The following TANGO6 variants were observed in gnomAD, a reference collection of about 807,000 sequenced individuals.
TANGO6 encodes the protein transport and golgi organization 6 homolog.
In TANGO6, 90 loss-of-function variants were observed where a neutral mutation model predicts 114.2. The observed-to-expected ratio is 0.79, with a 90% CI of 0.66 to 0.94. The LOEUF (loss-of-function observed/expected upper bound fraction) is 0.94. TANGO6 is among the 40% of genes least tolerant of loss of function. The probability of loss-of-function intolerance (pLI) is 0.00; values close to 1 mark genes in which losing one functional copy is unlikely to be tolerated. For synonymous variants in TANGO6, 477 were observed against 509.8 expected (o/e 0.94, Z 0.87); for missense variants, 1,274 against 1,315.3 (o/e 0.97, Z 0.49).
intron 4 of TANGO6, among the ~76,000 whole-genome samples, chr16:68,870,947 A>G (rs1050336796): frequency 7.1e-6 from 1 of 140,068 alleles, no homozygotes; most frequent in Non-Finnish European, 1.6e-5. Flanking sequence ...CGCCCGGCTA[A>G]TTTTTTTTTT....
intron 1 of TANGO6, among the ~76,000 whole-genome samples, chr16:68,851,005 C>G (rs1304838731): frequency 6.6e-6 from 1 of 152,166 alleles, no homozygotes; most frequent in Non-Finnish European, 1.5e-5. Context: ...CTCTCCCTCT[C>G]TCTGTAGATG....
intron 15 of TANGO6, among the ~76,000 whole-genome samples, chr16:69,003,454 C>A (rs1964063291): frequency 6.6e-6 from 1 of 152,140 alleles, no homozygotes; most frequent in African/African-American, 2.4e-5. Flanking sequence ...AGGTAAGCAC[C>A]ATATTGTTTT....
At chr16:68,998,360 A>G (rs758766338) in intron 15 of TANGO6, among the ~76,000 whole-genome samples, 15 of 152,228 alleles carry the variant, frequency 9.9e-5, no homozygotes, top group Non-Finnish European at 1.8e-4. Context: ...ACCTAATAAC[A>G]GGTATACCAT....
chr16:69,057,973 GA>G (rs1960059012), intron 17 of TANGO6, among the ~76,000 whole-genome samples: 1 of 152,194 alleles, frequency 6.6e-6, no homozygotes, highest in Non-Finnish European at 1.5e-5. Context: ...ATGGGGTAGA[GA>G]AAAACTGAAA....
chr16:69,034,196 A>G (rs1198369465), intron 16 of TANGO6: 1 of 153,234 alleles, frequency 6.5e-6, no homozygotes. Flanking sequence ...CACCCCCTGT[A>G]TGGTTACAGG....
Position 68,880,565 on chromosome 16 carries a change from A to G in TANGO6, c.1312A>G (p.Met438Val), listed in dbSNP as rs1962444238. 2 of 1,611,962 alleles carry G rather than the reference A, an allele frequency of 1.2e-6. No homozygotes were observed. Among genetic ancestry groups the G allele is most frequent in the African/African-American group, 1.3e-5 (1 of 74,964 alleles). ...LNTAELSESD[M>V]VPGTILVTEE... ...TTTTCTAGAGCTTTCAGAGAGTGAC[A>G]TGGTACCAGGAACTATTTTGGTGAC... is the stretch of plus-strand genomic sequence containing the variant. The change falls in exon 7 of 18, where the codon ATG (methionine) becomes GTG (valine). Residue 438 changes from methionine to valine, a missense_variant. Coordinates refer to ENST00000261778, the MANE Select transcript of TANGO6 (RefSeq NM_024562.2).
At chr16:69,001,976 G>A (rs1964048883) in intron 15 of TANGO6, among the ~76,000 whole-genome samples, 1 of 151,962 alleles carries the variant, frequency 6.6e-6, no homozygotes, top group African/African-American at 2.4e-5. Flanking sequence ...CTCTCATAAT[G>A]CAAAATAATT....
intron 15 of TANGO6, among the ~76,000 whole-genome samples, chr16:69,007,968 C>G (rs899496463): frequency 7.2e-5 from 11 of 152,014 alleles, no homozygotes; most frequent in African/African-American, 2.7e-4. Context: ...AATGTTTTTT[C>G]AGATCTTTTT....
At chr16:68,867,412 C>T (rs890792918) in intron 4 of TANGO6, 192 bp downstream of exon 4, 3 of 622,034 alleles carry the variant, frequency 4.8e-6, no homozygotes, top group Non-Finnish European at 8.1e-6. Flanking sequence ...TTCTCTTGCT[C>T]TTTTCCTAAA....
chr16:68,884,635 G>T (rs964887352), intron 7 of TANGO6, among the ~76,000 whole-genome samples: 1 of 152,080 alleles, frequency 6.6e-6, no homozygotes, highest in African/African-American at 2.4e-5. Context: ...CAGGATAGGG[G>T]TAAGACTAAT....
intron 11 of TANGO6, among the ~76,000 whole-genome samples, chr16:68,912,372 G>A (rs1315320303): frequency 6.6e-6 from 1 of 152,114 alleles, no homozygotes; most frequent in African/African-American, 2.4e-5. Context: ...AGTGGCTCAC[G>A]CCTGGAATCC....
chr16:68,875,557 G>A lies in TANGO6; in HGVS notation c.1131+267G>A, dbSNP rs779323805. ...CGAGGCAGGCGGATCACCTGAGGTC[G>A]GGAGTTCGAGATTAGCCTGACCAAC... On this transcript the variant is annotated intron_variant, in intron 5 of 17. Coordinates refer to ENST00000261778, the MANE Select transcript of TANGO6 (RefSeq NM_024562.2). Among the ~76,000 whole-genome samples the A allele has an allele frequency of 9.2e-5, 14 of 151,932 alleles. No homozygotes were observed. The highest frequency in any genetic ancestry group is 2.0e-4 in the Admixed American group (3 of 15,224).
intron 11 of TANGO6, among the ~76,000 whole-genome samples, chr16:68,914,333 T>G (rs1053936605): frequency 5.9e-5 from 9 of 152,142 alleles, no homozygotes; most frequent in African/African-American, 2.2e-4. Context: ...GGCTAATTTT[T>G]GTATTTTTAG....
intron 7 of TANGO6, among the ~76,000 whole-genome samples, chr16:68,883,872 A>G (rs1962499212): frequency 6.6e-6 from 1 of 152,162 alleles, no homozygotes; most frequent in African/African-American, 2.4e-5. Flanking sequence ...TAGTAGATTC[A>G]TAGATAGAAA....
At chr16:68,926,211 C>T (rs988460203) in intron 12 of TANGO6, among the ~76,000 whole-genome samples, 1 of 152,004 alleles carries the variant, frequency 6.6e-6, no homozygotes, top group Non-Finnish European at 1.5e-5. Flanking sequence ...GAAAATGTCT[C>T]GGCCGGGCAC....
chr16:69,075,455 ATTT>A (rs34374864), intron 17 of TANGO6, among the ~76,000 whole-genome samples: 3 of 138,896 alleles, frequency 2.2e-5, no homozygotes, highest in Admixed American at 7.3e-5. Flanking sequence ...TTCAACTTTT[ATTT>A]TTTTTTTTTT....
intron 15 of TANGO6, among the ~76,000 whole-genome samples, chr16:69,006,472 G>A (rs556595392): frequency 3.3e-5 from 5 of 152,098 alleles, no homozygotes; most frequent in South Asian, 4.2e-4. Context: ...GGCTGGGTGC[G>A]GTGGCTCATG....
At chr16:68,901,448 A>G (rs768179968) in intron 8 of TANGO6, among the ~76,000 whole-genome samples, 5 of 152,212 alleles carry the variant, frequency 3.3e-5, no homozygotes, top group Admixed American at 6.5e-5. Context: ...GAGGCTGTAC[A>G]TCTGTGAACT....
chr16:69,037,745 C>T (rs1353136151), intron 16 of TANGO6, among the ~76,000 whole-genome samples: 1 of 152,204 alleles, frequency 6.6e-6, no homozygotes, highest in East Asian at 1.9e-4. Flanking sequence ...TTACTGAAAA[C>T]AGCCCCCAAA....
Sources: gnomAD v4.1 joint callset for allele counts (sites outside exome capture counted in the v4.1 genomes callset) on GRCh38, gnomAD v4.1.1 for gene constraint, MANE v1.5 for transcripts, NCBI Gene and HGNC (gene_info 2026-07-23, HGNC 2026-07-21) for gene names.